Variants in RPN2 observed in about 807,000 individuals in gnomAD.
RPN2 encodes dolichyl-diphosphooligosaccharide--protein glycosyltransferase subunit 2.
RPN2 carries 29 observed loss-of-function variants against 71.4 expected under a neutral mutation model. The observed-to-expected ratio is 0.41, with a 90% confidence interval of 0.30 to 0.55. The LOEUF (loss-of-function observed/expected upper bound fraction) is 0.55. Among genes scored for constraint, RPN2 ranks in the 20% least tolerant of loss-of-function variants. The probability of loss-of-function intolerance (pLI) is 0.35; values close to 1 mark genes in which losing one functional copy is unlikely to be tolerated. For missense variants in RPN2, 726 were observed against 774.1 expected, an observed-to-expected ratio of 0.94 and a Z score of 0.74; for synonymous variants, 308 against 305.0, an observed-to-expected ratio of 1.01 and a Z score of -0.10.
intron 9 of RPN2, among the ~76,000 whole-genome samples, chr20:37,216,189 A>G (rs941232369): frequency 6.6e-6 from 1 of 152,034 alleles, no homozygotes; most frequent in African/African-American, 2.4e-5. Flanking sequence ...AAACACAAAA[A>G]GTAGCCAGGC....
chr20:37,210,560 TGCTC>T (rs2067635625), intron 8 of RPN2, among the ~76,000 whole-genome samples: 1 of 148,626 alleles, frequency 6.7e-6, no homozygotes, highest in Non-Finnish European at 1.5e-5. Flanking sequence ...GGCGGAGTTT[TGCTC>T]TTGTTGCCCA....
chr20:37,191,705 A>C (rs547580662), intron 2 of RPN2, among the ~76,000 whole-genome samples: 2 of 151,688 alleles, frequency 1.3e-5, no homozygotes, highest in Admixed American at 6.6e-5. Flanking sequence ...AAGAGTGAGC[A>C]TTTTTCATTT....
At chr20:37,206,717 A>AT (rs1038663376) in intron 6 of RPN2, among the ~76,000 whole-genome samples, 22 of 151,206 alleles carry the variant, frequency 1.5e-4, no homozygotes, top group South Asian at 4.2e-4. Flanking sequence ...CATTATTATG[A>AT]TTTTTTTTTC....
chr20:37,228,477 G>T (rs1237546474), intron 11 of RPN2, 73 bp from the exon 12 acceptor site: 3 of 1,420,462 alleles, frequency 2.1e-6, no homozygotes, highest in Non-Finnish European at 2.0e-6. Context: ...TCTGCTGCCC[G>T]GTGGATTCAA....
chr20:37,209,324 A>G (rs1318553894), intron 7 of RPN2, among the ~76,000 whole-genome samples: 1 of 152,126 alleles, frequency 6.6e-6, no homozygotes. Flanking sequence ...TGGCTGATTT[A>G]TTTATTAATT....
chr20:37,208,211 AGT>A (rs1453841023), intron 7 of RPN2, among the ~76,000 whole-genome samples: 7 of 151,258 alleles, frequency 4.6e-5, no homozygotes, highest in African/African-American at 1.7e-4. Context: ...CAGAGGTTGC[AGT>A]GAGCCGAGAC....
intron 1 of RPN2, 107 bp from the exon 2 acceptor site, chr20:37,184,073 C>G: frequency 4.4e-6 from 6 of 1,360,770 alleles, no homozygotes; most frequent in Non-Finnish European, 6.3e-6. Flanking sequence ...TTCCCTCGCC[C>G]TTCCCCATGT....
chr20:37,229,606 G>A (rs1033725219), intron 12 of RPN2, among the ~76,000 whole-genome samples: 15 of 152,084 alleles, frequency 9.9e-5, no homozygotes, highest in African/African-American at 3.6e-4. Flanking sequence ...GTACAAGAGC[G>A]CATACTCATT....
intron 11 of RPN2, among the ~76,000 whole-genome samples, chr20:37,226,600 A>G (rs2068084096): frequency 6.6e-6 from 1 of 152,234 alleles, no homozygotes; most frequent in Admixed American, 6.5e-5. Flanking sequence ...TTTTTATTCT[A>G]GCCAAAGCAG....
rs535821142 is a variant in RPN2, at chr20:37,236,767, G to A, written c.1883+58G>A. The A allele has an allele frequency of 8.9e-6, 14 of 1,573,236 alleles. No individual in the cohort carries two copies. In the East Asian group the frequency reaches 1.6e-4, roughly 18 times the overall value. On this transcript the variant is annotated intron_variant, in intron 16 of 16. Transcript: ENST00000237530. Reference sequence around the variant, plus strand: ...AGGGTTAGAAATACTCAGCTCTGCCGGCCTAGCTCTTTGAAGGGTAGGTGG... The same window carrying A: ...AGGGTTAGAAATACTCAGCTCTGCCAGCCTAGCTCTTTGAAGGGTAGGTGG...
intron 11 of RPN2, among the ~76,000 whole-genome samples, chr20:37,227,687 T>C (rs1372032476): frequency 6.6e-6 from 1 of 152,248 alleles, no homozygotes; most frequent in Non-Finnish European, 1.5e-5. Flanking sequence ...TCTGTAAACC[T>C]ACCTGCCTTG....
chr20:37,210,504 C>G (rs985446502), intron 8 of RPN2, among the ~76,000 whole-genome samples: 1 of 150,234 alleles, frequency 6.7e-6, no homozygotes, highest in African/African-American at 2.5e-5. Context: ...CATAATGCTA[C>G]CATTCAGAGA....
intron 1 of RPN2, chr20:37,179,681 C>A: frequency 2.7e-6 from 1 of 369,402 alleles, no homozygotes; most frequent in Non-Finnish European, 4.5e-6. Context: ...CTCGCGCGGG[C>A]TTCTGGGCCA....
intron 2 of RPN2, among the ~76,000 whole-genome samples, chr20:37,194,742 G>A (rs1333789644): frequency 6.6e-6 from 1 of 152,184 alleles, no homozygotes; most frequent in African/African-American, 2.4e-5. Flanking sequence ...GATGGGTGGG[G>A]AAGTGCAGTA....
In RPN2 at chr20:37,241,471, C is replaced by CCAACACA; in HGVS notation, c.*159_*165dup. The stretch of plus-strand genomic sequence containing the variant: ...TACTTTTGCTTGTTTTTCAGTTTCC[C>CCAACACA]CAACACACAGCAGATACCTGGTGAG... On this transcript the variant is annotated 3_prime_UTR_variant, in exon 17 of 17. Transcript: ENST00000237530. 1.2e-6 allele frequency: 1 copy of CCAACACA among 832,780 alleles called. No individual in the cohort carries two copies. Among genetic ancestry groups the CCAACACA allele is most frequent in the South Asian group, 1.6e-5 (1 of 62,210 alleles). 51.6% of individuals were successfully genotyped at this position (832,780 alleles called of 1,614,324 possible). A position where few individuals can be genotyped will look rare whatever the true frequency, so the allele number is the denominator to read the frequency against.
At chr20:37,222,626 T>C (rs529136585) in intron 9 of RPN2, among the ~76,000 whole-genome samples, 128 of 152,332 alleles carry the variant, frequency 8.4e-4, no homozygotes, top group African/African-American at 2.8e-3. Flanking sequence ...CAGCCCGTTA[T>C]CTCTATTCCT....
intron 6 of RPN2, 107 bp from the exon 7 acceptor site, chr20:37,207,165 TC>T: frequency 1.2e-6 from 1 of 850,496 alleles, no homozygotes; most frequent in South Asian, 1.4e-5. Flanking sequence ...CCAAAAGACC[TC>T]CCATGTGAAC....
At chr20:37,241,170 T>G in intron 16 of RPN2, 133 bp from the exon 17 acceptor site, 1 of 1,010,150 alleles carries the variant, frequency 9.9e-7, no homozygotes, top group Non-Finnish European at 1.5e-6. Flanking sequence ...ACTTGGGAGA[T>G]AAATGATTAT....
In RPN2 at chr20:37,191,949, A is replaced by G. The variant is rs968354719; in HGVS notation, c.208-6448A>G. ...CGATTTCTGCAAAAAGTAAAATTAGATGGGCATGGTGGCATGCACCTCTAG... is the reference window on the plus strand; with the variant it reads ...CGATTTCTGCAAAAAGTAAAATTAGGTGGGCATGGTGGCATGCACCTCTAG... On this transcript the variant is annotated intron_variant, in intron 2 of 16. Transcript: ENST00000237530. Among the ~76,000 whole-genome samples the G allele has an allele frequency of 3.7e-4, 48 of 129,260 alleles. 1 individual carries two copies. Among genetic ancestry groups the G allele is most frequent in the African/African-American group, 1.4e-3 (47 of 34,458 alleles). 84.8% of individuals were successfully genotyped at this position (129,260 alleles called of 152,430 possible).
Sources: gnomAD v4.1 joint callset for allele counts (sites outside exome capture counted in the v4.1 genomes callset) on GRCh38, gnomAD v4.1.1 for gene constraint, MANE v1.5 for transcripts, NCBI Gene and HGNC (gene_info 2026-07-23, HGNC 2026-07-21) for gene names.